The following DERA variants were observed in gnomAD, a reference collection of about 807,000 sequenced individuals.
DERA encodes the protein deoxyribose-phosphate aldolase.
DERA carries 15 observed loss-of-function variants against 41.1 expected under a neutral mutation model. The ratio of observed to expected loss-of-function variants is 0.37; its 90% CI spans 0.24 to 0.56. DERA has a LOEUF of 0.56. Among genes scored for constraint, DERA ranks in the 20% least tolerant of loss-of-function variants. DERA has a pLI of 0.81. For synonymous variants in DERA, 139 were observed against 137.4 expected, an observed-to-expected ratio of 1.01 and a Z score of -0.08; for missense variants, 396 against 403.4, an observed-to-expected ratio of 0.98 and a Z score of 0.16.
chr12:16,009,868 AAGT>A lies in DERA; in HGVS notation c.638-22671_638-22669del, dbSNP rs1948936235. On this transcript the variant is annotated intron_variant, in intron 6 of 8. Transcript: ENST00000428559. This position sits in a 1 kb window ranked among gnomAD's most constrained non-coding sequence, Gnocchi z 5.3. ...AAATTTAAAATGCAGGTTTAAAAGA[AAGT>A]AGGTAAAAACCCTAACTTTGGCAGT... Among the ~76,000 whole-genome samples the A allele has an allele frequency of 6.6e-6, 1 of 152,218 alleles. No homozygotes were observed. Among genetic ancestry groups the A allele is most frequent in the South Asian group, 2.1e-4 (1 of 4,828 alleles).
At position 16,019,132 on chromosome 12, in the gene DERA, C is replaced by T. The variant is rs529592791; in HGVS notation, c.638-13410C>T. Among the ~76,000 whole-genome samples, 1 of 152,158 alleles carries T rather than the reference C, an allele frequency of 6.6e-6. No homozygotes were observed. The highest frequency in any genetic ancestry group is 2.1e-4 in the South Asian group (1 of 4,818). Reference sequence around the variant, plus strand: ...AAGTAATTTCGTTTTAGCAGAAGGGCAAAGGAAGCAATGTTAAAATGAGAA... The same window carrying T: ...AAGTAATTTCGTTTTAGCAGAAGGGTAAAGGAAGCAATGTTAAAATGAGAA... On this transcript the variant is annotated intron_variant, in intron 6 of 8. Transcript: ENST00000428559. This position sits in a 1 kb window ranked among gnomAD's most constrained non-coding sequence, Gnocchi z 4.4.
Position 16,026,667 on chromosome 12 carries a change from A to T in DERA, c.638-5875A>T, listed in dbSNP as rs1237317296. Among the ~76,000 whole-genome samples the T allele has an allele frequency of 6.6e-6, 1 of 151,444 alleles. No homozygotes were observed. Among genetic ancestry groups the T allele is most frequent in the African/African-American group, 2.4e-5 (1 of 41,392 alleles). On this transcript the variant is annotated intron_variant, in intron 6 of 8. Transcript: ENST00000428559. The surrounding 1 kb of genome is among the most constrained non-coding windows in gnomAD (Gnocchi z 4.4). ...TTAAAAATTTAACAAATTACTAAAA[A>T]CTATTTATAACCTTCCAAAAGAAAG... is the stretch of plus-strand genomic sequence containing the variant.
intron 1 of DERA, among the ~76,000 whole-genome samples, chr12:15,950,236 G>C (rs960856845): frequency 6.6e-6 from 1 of 152,206 alleles, no homozygotes; most frequent in South Asian, 2.1e-4. Context: ...GAGGGCTTCT[G>C]GTTGCCTATT....
At chr12:16,016,316 G>T (rs531755425) in intron 6 of DERA, among the ~76,000 whole-genome samples, 1 of 152,128 alleles carries the variant, frequency 6.6e-6, no homozygotes, top group African/African-American at 2.4e-5. Flanking sequence ...AAAGGGGAGG[G>T]GAAGGGGAGA....
chr12:15,986,650 A>G (rs576076147), intron 6 of DERA, among the ~76,000 whole-genome samples: 1 of 152,172 alleles, frequency 6.6e-6, no homozygotes, highest in East Asian at 1.9e-4. Flanking sequence ...GTTCTTTTCT[A>G]TATATATTAC....
chr12:15,974,546 A>G (rs1232982022), intron 5 of DERA, among the ~76,000 whole-genome samples: 1 of 152,228 alleles, frequency 6.6e-6, no homozygotes, highest in Non-Finnish European at 1.5e-5. Flanking sequence ...TTCAGGAGTC[A>G]CAAGATGTTA....
intron 1 of DERA, among the ~76,000 whole-genome samples, chr12:15,930,207 GT>G (rs1948317360): frequency 1.3e-5 from 2 of 152,100 alleles, no homozygotes; most frequent in African/African-American, 4.8e-5. Flanking sequence ...GTGAACAGGG[GT>G]ATTTGCTGAC....
At chr12:15,969,297 A>T (rs1187793979) in intron 5 of DERA, among the ~76,000 whole-genome samples, 1 of 152,126 alleles carries the variant, frequency 6.6e-6, no homozygotes, top group South Asian at 2.1e-4. Context: ...TTTCTGTTGC[A>T]TCTATTTACC....
At chr12:15,960,552 G>A (rs1465559555) in intron 4 of DERA, among the ~76,000 whole-genome samples, 3 of 133,490 alleles carry the variant, frequency 2.2e-5, no homozygotes, top group Non-Finnish European at 4.6e-5. Context: ...CTGGAGAATC[G>A]TTTGAACCTG....
chr12:15,923,876 CTTG>C (rs1041532575), intron 1 of DERA, among the ~76,000 whole-genome samples: 9 of 152,110 alleles, frequency 5.9e-5, no homozygotes, highest in African/African-American at 2.2e-4. Context: ...TAAACTTTTT[CTTG>C]TTGTTTTTTC....
rs773212265 is a variant in DERA, at chr12:15,981,115, G to A, written c.509-1193G>A. Among the ~76,000 whole-genome samples, 26 of 152,128 alleles carry A rather than the reference G, an allele frequency of 1.7e-4. No homozygotes were observed. Among genetic ancestry groups the A allele is most frequent in the Non-Finnish European group, 3.2e-4 (22 of 68,040 alleles). On this transcript the variant is annotated intron_variant, in intron 5 of 8. Coordinates refer to ENST00000428559, the MANE Select transcript of DERA (RefSeq NM_015954.4). This position sits in a 1 kb window ranked among gnomAD's most constrained non-coding sequence, Gnocchi z 6.1. ...TGTAATCCCAGCACTTTGGGACGCT[G>A]AGGCAGGCGGATTACCAGATCAGGA...
chr12:15,983,996 G>A lies in DERA; in HGVS notation c.637+1560G>A, dbSNP rs991162755. On this transcript the variant is annotated intron_variant, in intron 6 of 8. Coordinates refer to ENST00000428559, the MANE Select transcript of DERA (RefSeq NM_015954.4). The surrounding 1 kb of genome is among the most constrained non-coding windows in gnomAD (Gnocchi z 6.2). ...TTAGGAACCTGGGAAAAGCCCCTTG[G>A]AGGCTACTTGGTGTACAGGTAGCCC... Among the ~76,000 whole-genome samples, 3 of 152,164 alleles carry A rather than the reference G, an allele frequency of 2.0e-5. No homozygotes were observed. Among genetic ancestry groups the A allele is most frequent in the African/African-American group, 7.2e-5 (3 of 41,460 alleles).
Position 15,918,533 on chromosome 12 carries a change from G to A in DERA, c.31+7119G>A, listed in dbSNP as rs937877784. ...GTTTAGGACAATCGTTTGGGAAGGG[G>A]AAGGGGGCCAGAATAATTTGTTTTT... On this transcript the variant is annotated intron_variant, in intron 1 of 8. Coordinates refer to ENST00000428559, the MANE Select transcript of DERA (RefSeq NM_015954.4). This position sits in a 1 kb window ranked among gnomAD's most constrained non-coding sequence, Gnocchi z 4.3. Among the ~76,000 whole-genome samples, 2 of 152,176 alleles carry A rather than the reference G, an allele frequency of 1.3e-5. No individual in the cohort carries two copies. Among genetic ancestry groups the A allele is most frequent in the Non-Finnish European group, 2.9e-5 (2 of 68,038 alleles).
rs1183110668 is a variant in DERA at position 16,009,787 on chromosome 12, A to G, written c.638-22755A>G. ...CATGTACTCTAAGGGGAGGAAATAAATGCCACACTCAAAGCAATTATACAG... is the reference window on the plus strand; with the variant it reads ...CATGTACTCTAAGGGGAGGAAATAAGTGCCACACTCAAAGCAATTATACAG... On this transcript the variant is annotated intron_variant, in intron 6 of 8. Coordinates refer to ENST00000428559, the MANE Select transcript of DERA (RefSeq NM_015954.4). This position sits in a 1 kb window ranked among gnomAD's most constrained non-coding sequence, Gnocchi z 5.3. Among the ~76,000 whole-genome samples the G allele has an allele frequency of 6.6e-6, 1 of 152,232 alleles. No individual in the cohort carries two copies. The highest frequency in any genetic ancestry group is 2.4e-5 in the African/African-American group (1 of 41,470).
At chr12:15,920,053 G>A (rs971744695) in intron 1 of DERA, among the ~76,000 whole-genome samples, 1 of 151,890 alleles carries the variant, frequency 6.6e-6, no homozygotes, top group Non-Finnish European at 1.5e-5. Flanking sequence ...ACAGAAAAGG[G>A]ATTTCATTCA....
chr12:15,999,884 A>G lies in DERA; in HGVS notation c.637+17448A>G, dbSNP rs1054191742. Among the ~76,000 whole-genome samples the G allele has an allele frequency of 6.6e-6, 1 of 152,172 alleles. No homozygotes were observed. The highest frequency in any genetic ancestry group is 1.5e-5 in the Non-Finnish European group (1 of 68,022). ...TCCAGATGCTTTGTAGAAGCAGAGC[A>G]GTGATCAGATTTTCATTTTAGGGAC... On this transcript the variant is annotated intron_variant, in intron 6 of 8. Transcript: ENST00000428559. This position sits in a 1 kb window ranked among gnomAD's most constrained non-coding sequence, Gnocchi z 5.3.
Position 16,036,516 on chromosome 12 carries a change from C to G in DERA, c.900+135C>G. On this transcript the variant is annotated intron_variant, in intron 8 of 8. Transcript: ENST00000428559. The surrounding 1 kb of genome is among the most constrained non-coding windows in gnomAD (Gnocchi z 4.9). ...CTACCCAATCCTCTACCTTTTCTTC[C>G]AAGCAAACCGCCATCAGAAGTGAGT... 1.7e-6 allele frequency: 2 copies of G among 1,167,934 alleles called. No homozygotes were observed. Among genetic ancestry groups the G allele is most frequent in the Middle Eastern group, 2.8e-4 (1 of 3,558 alleles). 72.3% of individuals were successfully genotyped at this position (1,167,934 alleles called of 1,614,324 possible).
At chr12:16,022,140 G>A (rs561632428) in intron 6 of DERA, among the ~76,000 whole-genome samples, 23 of 152,304 alleles carry the variant, frequency 1.5e-4, no homozygotes, top group African/African-American at 5.5e-4. Context: ...GAAGGTGTTT[G>A]GATCATGGTA....
chr12:15,999,104 G>A lies in DERA; in HGVS notation c.637+16668G>A, dbSNP rs563021617. Among the ~76,000 whole-genome samples, 2 of 152,264 alleles carry A rather than the reference G, an allele frequency of 1.3e-5. No individual in the cohort carries two copies. Among genetic ancestry groups the A allele is most frequent in the African/African-American group, 4.8e-5 (2 of 41,550 alleles). ...GGAGGAAATGAGGGATGGAGGGTTG[G>A]TGAGGGCTGGAGGGAAGACTGAGGC... On this transcript the variant is annotated intron_variant, in intron 6 of 8. Coordinates refer to ENST00000428559, the MANE Select transcript of DERA (RefSeq NM_015954.4). The surrounding 1 kb of genome is among the most constrained non-coding windows in gnomAD (Gnocchi z 5.3).
Sources: gnomAD v4.1 joint callset for allele counts (sites outside exome capture counted in the v4.1 genomes callset) on GRCh38, gnomAD v4.1.1 for gene constraint, Gnocchi (gnomAD v3.1) non-coding constraint, MANE v1.5 for transcripts, NCBI Gene and HGNC (gene_info 2026-07-23, HGNC 2026-07-21) for gene names.